Variants in NAA11 observed in about 807,000 individuals in gnomAD.
NAA11 encodes N-alpha-acetyltransferase 11.
In NAA11, 15 loss-of-function variants were observed where a neutral mutation model predicts 16.1. That is an observed-to-expected ratio of 0.93 (90% confidence interval 0.62 to 1.44). The LOEUF (loss-of-function observed/expected upper bound fraction) is 1.44, where lower values mean the gene tolerates loss of function less well. Among genes scored for constraint, NAA11 ranks in the 40% most tolerant of loss-of-function variants. NAA11 has a pLI of 0.00. For synonymous variants in NAA11, 122 were observed against 112.4 expected, an observed-to-expected ratio of 1.09 and a Z score of -0.54; for missense variants, 298 against 291.3, an observed-to-expected ratio of 1.02 and a Z score of -0.17.
At chr4:79,268,180 T>C (rs1237722336) in intron 2 of NAA11, among the ~76,000 whole-genome samples, 1 of 152,198 alleles carries the variant, frequency 6.6e-6, no homozygotes, top group Non-Finnish European at 1.5e-5. Flanking sequence ...TGTGAATCTG[T>C]AATTATTTCA....
the NAA11 span, among the ~76,000 whole-genome samples, chr4:79,190,456 C>CG: frequency 7.0e-6 from 1 of 142,574 alleles, no homozygotes; most frequent in Non-Finnish European, 1.5e-5. Context: ...TTGTCTCTCC[C>CG]TTTTTTTTTT....
the NAA11 span, among the ~76,000 whole-genome samples, chr4:79,166,663 T>A: frequency 1.5e-5 from 2 of 135,660 alleles, no homozygotes; most frequent in Non-Finnish European, 3.2e-5. Context: ...AGGTCAGGAG[T>A]TCAAGACCAG....
At chr4:79,174,200 G>C in the NAA11 span, among the ~76,000 whole-genome samples, 2 of 152,192 alleles carry the variant, frequency 1.3e-5, no homozygotes, top group African/African-American at 4.8e-5. Context: ...AAAATCATTA[G>C]GTTTTGAAGA....
At chr4:79,180,319 G>A in the NAA11 span, among the ~76,000 whole-genome samples, 2 of 152,296 alleles carry the variant, frequency 1.3e-5, no homozygotes, top group Admixed American at 6.5e-5. Context: ...TGGACCACAT[G>A]TGTTTTCTCT....
chr4:79,170,419 G>C, the NAA11 span, among the ~76,000 whole-genome samples: 1 of 152,124 alleles, frequency 6.6e-6, no homozygotes, highest in Admixed American at 6.6e-5. Context: ...ATTATAAAGA[G>C]AGGACATTCA....
chr4:79,218,532 A>T, the NAA11 span, among the ~76,000 whole-genome samples: 1 of 152,138 alleles, frequency 6.6e-6, no homozygotes, highest in South Asian at 2.1e-4. Flanking sequence ...ATTAAAATTG[A>T]TAACTCACAT....
intron 2 of NAA11, among the ~76,000 whole-genome samples, chr4:79,231,796 A>G (rs1378911338): frequency 6.6e-6 from 1 of 151,830 alleles, no homozygotes; most frequent in Non-Finnish European, 1.5e-5. Flanking sequence ...TACAGGAAAT[A>G]CAAGGCAAAA....
At chr4:79,238,893 C>T (rs1721630300) in intron 2 of NAA11, among the ~76,000 whole-genome samples, 1 of 152,172 alleles carries the variant, frequency 6.6e-6, no homozygotes, top group South Asian at 2.1e-4. Flanking sequence ...AATGTCACTG[C>T]AATTCTGAGT....
the NAA11 span, among the ~76,000 whole-genome samples, chr4:79,161,239 G>C: frequency 1.3e-5 from 2 of 152,046 alleles, no homozygotes; most frequent in African/African-American, 4.8e-5. Context: ...GCATTGGCAC[G>C]ATCTTGGCTC....
chr4:79,168,461 G>T, the NAA11 span, among the ~76,000 whole-genome samples: 3,626 of 152,270 alleles, frequency 0.024, 56 homozygotes, highest in Non-Finnish European at 0.038. Flanking sequence ...CTTCCACAAT[G>T]GTTGAACTAA....
At chr4:79,241,890 C>T (rs143038128) in intron 2 of NAA11, among the ~76,000 whole-genome samples, 26 of 152,310 alleles carry the variant, frequency 1.7e-4, no homozygotes, top group Admixed American at 3.9e-4. Flanking sequence ...AGGTCCAAAT[C>T]CACCTATCAC....
At chr4:79,196,955 C>CAAAAAAAAGAAAAAAA in the NAA11 span, among the ~76,000 whole-genome samples, 1 of 86,168 alleles carries the variant, frequency 1.2e-5, no homozygotes, top group African/African-American at 4.6e-5. Flanking sequence ...ATGAAAAAGA[C>CAAAAAAAAGAAAAAAA]AAAAAAAAAA....
chr4:79,160,396 G>A, the NAA11 span, among the ~76,000 whole-genome samples: 1 of 152,164 alleles, frequency 6.6e-6, no homozygotes, highest in East Asian at 1.9e-4. Flanking sequence ...ATTATTAAGA[G>A]TTGAGTTGCT....
the NAA11 span, among the ~76,000 whole-genome samples, chr4:79,167,270 TAGAGAGAGAG>T: frequency 7.5e-4 from 74 of 98,478 alleles, 1 homozygote; most frequent in Non-Finnish European, 8.4e-4. Flanking sequence ...TATATATATA[TAGAGAGAGAG>T]AGAGAGAGAG....
At chr4:79,242,480 C>T (rs1371895211) in intron 2 of NAA11, among the ~76,000 whole-genome samples, 1 of 152,186 alleles carries the variant, frequency 6.6e-6, no homozygotes, top group Admixed American at 6.5e-5. Context: ...CAAAGGGTAC[C>T]AACAATGTCT....
chr4:79,200,112 G>A, the NAA11 span, among the ~76,000 whole-genome samples: 1 of 151,862 alleles, frequency 6.6e-6, no homozygotes, highest in Admixed American at 6.6e-5. Flanking sequence ...GGTTAAGGAT[G>A]CCAGACAGCT....
chr4:79,209,606 A>G, the NAA11 span, among the ~76,000 whole-genome samples: 1 of 152,176 alleles, frequency 6.6e-6, no homozygotes, highest in Non-Finnish European at 1.5e-5. Flanking sequence ...AATTTTAATA[A>G]AAGTTAATAT....
the NAA11 span, among the ~76,000 whole-genome samples, chr4:79,178,604 A>G: frequency 6.6e-6 from 1 of 152,236 alleles, no homozygotes; most frequent in Non-Finnish European, 1.5e-5. Flanking sequence ...ATCATTTTAT[A>G]TAGCAGAAAC....
chr4:79,269,662 C>T (rs1722442331), intron 2 of NAA11, among the ~76,000 whole-genome samples: 1 of 147,612 alleles, frequency 6.8e-6, no homozygotes, highest in East Asian at 2.0e-4. Context: ...TGCCTGTTCA[C>T]TCTGATGGTA....
Sources: gnomAD v4.1 joint callset for allele counts (sites outside exome capture counted in the v4.1 genomes callset) on GRCh38, gnomAD v4.1.1 for gene constraint, MANE v1.5 for transcripts, NCBI Gene and HGNC (gene_info 2026-07-23, HGNC 2026-07-21) for gene names.